The following ZNF804B variants were observed in gnomAD, a reference collection of about 807,000 sequenced individuals.
ZNF804B encodes zinc finger protein 804B.
ZNF804B carries 80 observed loss-of-function variants against 101.4 expected under a neutral mutation model. The ratio of observed to expected loss-of-function variants is 0.79; its 90% CI spans 0.66 to 0.95. The LOEUF (loss-of-function observed/expected upper bound fraction) is 0.95, where lower values mean the gene tolerates loss of function less well. ZNF804B is among the 40% of genes least tolerant of loss of function. The pLI is 0.00. For synonymous variants in ZNF804B, 622 were observed against 558.8 expected, an observed-to-expected ratio of 1.11 and a Z score of -1.59; for missense variants, 1,673 against 1,561.9, an observed-to-expected ratio of 1.07 and a Z score of -1.20.
chr7:89,208,296 A>G (rs1222301365), intron 1 of ZNF804B, among the ~76,000 whole-genome samples: 2 of 151,984 alleles, frequency 1.3e-5, no homozygotes, highest in African/African-American at 2.4e-5. Flanking sequence ...GTTAGCCAGG[A>G]TGGTCTCAAT....
At chr7:89,271,646 A>G (rs1789897568) in intron 2 of ZNF804B, among the ~76,000 whole-genome samples, 1 of 152,170 alleles carries the variant, frequency 6.6e-6, no homozygotes, top group Non-Finnish European at 1.5e-5. Context: ...AAGGAATGGT[A>G]CCAGCTCCTC....
intron 1 of ZNF804B, among the ~76,000 whole-genome samples, chr7:88,965,363 A>G (rs1793439212): frequency 6.6e-6 from 1 of 151,418 alleles, no homozygotes; most frequent in Non-Finnish European, 1.5e-5. Flanking sequence ...CTGTTATTTT[A>G]AAATAGCCCT....
At chr7:89,304,196 T>A (rs903392014) in intron 2 of ZNF804B, among the ~76,000 whole-genome samples, 5 of 151,908 alleles carry the variant, frequency 3.3e-5, no homozygotes, top group African/African-American at 1.2e-4. Flanking sequence ...GATCATTGTC[T>A]CCCAGTCTCT....
intron 1 of ZNF804B, among the ~76,000 whole-genome samples, chr7:89,200,042 T>C (rs900014949): frequency 4.0e-5 from 6 of 151,474 alleles, no homozygotes; most frequent in African/African-American, 1.5e-4. Context: ...AACTGTGCCT[T>C]GTGCTTTTCA....
intron 1 of ZNF804B, among the ~76,000 whole-genome samples, chr7:89,042,239 A>T (rs937144674): frequency 1.3e-5 from 2 of 152,198 alleles, no homozygotes; most frequent in African/African-American, 4.8e-5. Flanking sequence ...TCCTCTAATA[A>T]TAATATGAGG....
At chr7:89,123,755 T>G (rs916408220) in intron 1 of ZNF804B, among the ~76,000 whole-genome samples, 1 of 152,116 alleles carries the variant, frequency 6.6e-6, no homozygotes, top group African/African-American at 2.4e-5. Flanking sequence ...GTGAGGAAAC[T>G]GAGACAGAGA....
intron 1 of ZNF804B, among the ~76,000 whole-genome samples, chr7:88,826,779 G>A (rs913239678): frequency 1.3e-5 from 2 of 152,040 alleles, no homozygotes; most frequent in Non-Finnish European, 2.9e-5. Context: ...CATAATTTCA[G>A]AGCCAGAAGC....
At chr7:88,903,728 G>A (rs1289864769) in intron 1 of ZNF804B, among the ~76,000 whole-genome samples, 1 of 152,030 alleles carries the variant, frequency 6.6e-6, no homozygotes, top group African/African-American at 2.4e-5. Flanking sequence ...ATTTTTTCAT[G>A]TCTGTTGGCC....
At chr7:88,820,241 A>C in intron 1 of ZNF804B, among the ~76,000 whole-genome samples, 1 of 152,200 alleles carries the variant, frequency 6.6e-6, no homozygotes, top group Non-Finnish European at 1.5e-5. Context: ...ATTCTACAAA[A>C]ATATGTTTGA....
intron 1 of ZNF804B, among the ~76,000 whole-genome samples, chr7:88,767,685 T>G (rs769392277): frequency 6.6e-6 from 1 of 152,212 alleles, no homozygotes; most frequent in Non-Finnish European, 1.5e-5. Flanking sequence ...CTAAAAACGT[T>G]CAAAATCCTT....
intron 2 of ZNF804B, among the ~76,000 whole-genome samples, chr7:89,252,104 TA>T (rs34458512): frequency 0.12 from 18,589 of 152,012 alleles, 1,219 homozygotes; most frequent in Middle Eastern, 0.25. Context: ...AACCTATCAA[TA>T]AGAGTACACA....
intron 1 of ZNF804B, among the ~76,000 whole-genome samples, chr7:88,807,476 G>T (rs1050812804): frequency 1.1e-4 from 16 of 152,262 alleles, no homozygotes; most frequent in African/African-American, 3.1e-4. Context: ...AAGAATGATC[G>T]CTCTGAATAC....
chr7:88,843,698 C>G (rs1311107247), intron 1 of ZNF804B, among the ~76,000 whole-genome samples: 1 of 152,016 alleles, frequency 6.6e-6, no homozygotes, highest in Admixed American at 6.5e-5. Context: ...GATTGCACTA[C>G]TGTACTCCAG....
intron 2 of ZNF804B, among the ~76,000 whole-genome samples, chr7:89,225,014 G>C (rs1399370419): frequency 6.6e-6 from 1 of 151,954 alleles, no homozygotes; most frequent in Admixed American, 6.6e-5. Flanking sequence ...TATGACACTG[G>C]CTATAGCTGA....
At chr7:89,071,793 C>CACACACACACACACACAT (rs1277924400) in intron 1 of ZNF804B, among the ~76,000 whole-genome samples, 27 of 151,892 alleles carry the variant, frequency 1.8e-4, no homozygotes, top group African/African-American at 5.3e-4. Flanking sequence ...CACACACACA[C>CACACACACACACACACAT]ACACACACAC....
intron 1 of ZNF804B, among the ~76,000 whole-genome samples, chr7:88,766,611 A>G (rs1789987628): frequency 6.6e-6 from 1 of 152,226 alleles, no homozygotes; most frequent in Non-Finnish European, 1.5e-5. Flanking sequence ...CTTAAAAGCA[A>G]CATGATATAC....
intron 2 of ZNF804B, among the ~76,000 whole-genome samples, chr7:89,284,535 A>G (rs184796727): frequency 3.2e-3 from 488 of 152,342 alleles, no homozygotes; most frequent in Non-Finnish European, 5.2e-3. Context: ...ACCGCTGTAA[A>G]AAAAGAAAGA....
intron 2 of ZNF804B, among the ~76,000 whole-genome samples, chr7:89,229,108 C>A (rs573894814): frequency 6.6e-6 from 1 of 152,216 alleles, no homozygotes; most frequent in East Asian, 1.9e-4. Context: ...CCGCGCCTCT[C>A]CCTCCACACC....
intron 2 of ZNF804B, among the ~76,000 whole-genome samples, chr7:89,229,095 C>T (rs555507432): frequency 1.3e-5 from 2 of 152,332 alleles, no homozygotes; most frequent in African/African-American, 2.4e-5. Flanking sequence ...ACCCGGTTCC[C>T]GCCCGCGCCT....
Sources: allele counts gnomAD v4.1 joint callset (sites outside exome capture counted in the v4.1 genomes callset), GRCh38; gene constraint gnomAD v4.1.1; transcripts MANE v1.5; gene names NCBI Gene and HGNC (gene_info 2026-07-23, HGNC 2026-07-21).